NAB2: variants seen among roughly 807,000 people sequenced by gnomAD.
The protein encoded by NAB2 is NGFI-A-binding protein 2.
NAB2 carries 9 observed loss-of-function variants against 44.2 expected under a neutral mutation model. The observed-to-expected ratio is 0.20, with a 90% CI of 0.12 to 0.36. The LOEUF (loss-of-function observed/expected upper bound fraction) is 0.36. Among genes scored for constraint, NAB2 ranks in the 10% least tolerant of loss-of-function variants. The pLI is 1.00. For synonymous variants in NAB2, 342 were observed against 291.0 expected (o/e 1.18, Z -1.78); for missense variants, 514 against 709.0 (o/e 0.73, Z 3.12).
rs995281414 is a variant in NAB2, at chr12:57,089,241, GA to G, written c.-29del. 2 of 1,556,594 alleles carry G rather than the reference GA, an allele frequency of 1.3e-6. No individual in the cohort carries two copies. The highest frequency in any genetic ancestry group is 1.7e-6 in the Non-Finnish European group (2 of 1,150,374). On this transcript the variant is annotated 5_prime_UTR_variant, in exon 1 of 7. Transcript: ENST00000300131. ...GCAGGCGCCGAGCGCCGGGCACCGA[GA>G]AGGGCAGCCCGGGTGATCTCCGGCC...
intron 5 of NAB2, 79 bp from the exon 6 acceptor site, chr12:57,093,328 C>T (rs902854904): frequency 2.8e-5 from 41 of 1,470,318 alleles, no homozygotes; most frequent in Non-Finnish European, 3.6e-5. Context: ...GGCAGAAGGG[C>T]CTGTGGGCTG....
At chr12:57,092,695 C>T (rs553259825) in intron 3 of NAB2, 114 bp downstream of exon 3, 16 of 1,430,058 alleles carry the variant, frequency 1.1e-5, no homozygotes, top group Admixed American at 4.3e-5. Flanking sequence ...CCTGGATGTC[C>T]TGCTTTTGGC....
chr12:57,093,474 G>A lies in NAB2; in HGVS notation c.1344G>A (p.Gly448=). ...ADLPLALPAH[G]LWSRHILQQT... is the part of the protein sequence containing the mutation. ...TGCCTCTGGCATTGCCAGCCCATGGGCTATGGAGCCGACACATCCTGCAGC... is the reference window on the plus strand; with the variant it reads ...TGCCTCTGGCATTGCCAGCCCATGGACTATGGAGCCGACACATCCTGCAGC... Residue 448 remains glycine (G), a synonymous_variant, in exon 6 of 7, where the codon GGG becomes GGA. Coordinates refer to ENST00000300131, the MANE Select transcript of NAB2 (RefSeq NM_005967.4). The A allele has an allele frequency of 6.3e-7, 1 of 1,599,120 alleles. No homozygotes were observed. The highest frequency in any genetic ancestry group is 1.1e-5 in the South Asian group (1 of 88,544).
Position 57,095,449 on chromosome 12 carries a change from G to A in NAB2, c.*728G>A, listed in dbSNP as rs1424399178. The A allele has an allele frequency of 1.3e-5, 2 of 152,558 alleles. No homozygotes were observed. The highest frequency in any genetic ancestry group is 2.4e-5 in the African/African-American group (1 of 41,400). The allele number at this position is 152,558 out of a possible 1,614,324, so 9.5% of individuals were successfully genotyped here. On this transcript the variant is annotated 3_prime_UTR_variant, in exon 7 of 7. Coordinates refer to ENST00000300131, the MANE Select transcript of NAB2 (RefSeq NM_005967.4). The stretch of plus-strand genomic sequence containing the variant: ...AGTAGATTATTTATTTTGTTATTTT[G>A]GAATAAAATTTATTTTATGGCTTAG...
rs1369926190 is a variant in NAB2, at chr12:57,089,288, C to T, written c.17C>T (p.Ser6Phe). The change falls in exon 1 of 7, where the codon TCC (serine) becomes TTC (phenylalanine). Residue 6 changes from serine to phenylalanine, a missense_variant. By Grantham distance (155) the Ser-to-Phe change is radical. Transcript: ENST00000300131. ...CGGCCGTCCATGCACAGAGCGCCTT[C>T]CCCCACAGCCGAGCAGCCGCCGGGC... MHRAPSPTAEQPPGGG... is the reference protein window; with the variant it reads MHRAPFPTAEQPPGGG... The T allele has an allele frequency of 6.3e-7, 1 of 1,577,046 alleles. No homozygotes were observed. Among genetic ancestry groups the T allele is most frequent in the Non-Finnish European group, 8.6e-7 (1 of 1,161,836 alleles).
intron 6 of NAB2, among the ~76,000 whole-genome samples, 177 bp from the exon 7 acceptor site, chr12:57,094,435 G>T (rs2033291811): frequency 6.6e-6 from 1 of 152,006 alleles, no homozygotes; most frequent in African/African-American, 2.4e-5. Context: ...AGGGGAGGGG[G>T]CTCACACACA....
chr12:57,094,115 G>A (rs552383569), intron 6 of NAB2, among the ~76,000 whole-genome samples: 72 of 151,724 alleles, frequency 4.7e-4, no homozygotes, highest in Non-Finnish European at 8.8e-4. Context: ...TAAACTGTGC[G>A]TGGGTGGGAA....
Position 57,094,771 on chromosome 12 carries a change from C to T in NAB2, c.*50C>T. On this transcript the variant is annotated 3_prime_UTR_variant, in exon 7 of 7. Coordinates refer to ENST00000300131, the MANE Select transcript of NAB2 (RefSeq NM_005967.4). ...CAGGACCTCAGACTTCTGGCTCACA[C>T]AGACCCCCACGCTCTCCATCCCCGG... 7.0e-7 allele frequency: 1 copy of T among 1,428,522 alleles called. No homozygotes were observed. The highest frequency in any genetic ancestry group is 9.5e-7 in the Non-Finnish European group (1 of 1,047,516). The allele number at this position is 1,428,522 out of a possible 1,614,324, so 88.5% of individuals were successfully genotyped here. A position where few individuals can be genotyped will look rare whatever the true frequency, so the allele number is the denominator to read the frequency against.
chr12:57,094,443 A>G (rs2033292273), intron 6 of NAB2, among the ~76,000 whole-genome samples, 169 bp from the exon 7 acceptor site: 2 of 152,264 alleles, frequency 1.3e-5, no homozygotes, highest in South Asian at 4.1e-4. Context: ...GGGCTCACAC[A>G]CATGGGAATG....
Position 57,091,511 on chromosome 12 carries a change from G to C in NAB2, c.470G>C (p.Ser157Thr). 2 of 1,613,906 alleles carry C rather than the reference G, an allele frequency of 1.2e-6. No individual in the cohort carries two copies. The highest frequency in any genetic ancestry group is 1.7e-6 in the Non-Finnish European group (2 of 1,179,958). The part of the protein sequence containing the change: ...SPGEKAGSAR[S>T]FSPKSPLELG... Reference sequence around the variant, plus strand: ...GGGGAAAAGGCAGGCAGTGCCCGCAGTTTTAGCCCCAAGAGCCCCCTTGAA... The same window carrying C: ...GGGGAAAAGGCAGGCAGTGCCCGCACTTTTAGCCCCAAGAGCCCCCTTGAA... Residue 157 changes from serine to threonine, a missense_variant, in exon 2 of 7, where the codon AGT becomes ACT. Coordinates refer to ENST00000300131, the MANE Select transcript of NAB2 (RefSeq NM_005967.4). This position sits in a 1 kb window ranked among gnomAD's most constrained non-coding sequence, Gnocchi z 7.3.
In NAB2 at chr12:57,095,343, ACTCAGGGTCTC is replaced by A. The variant is rs1170195972; in HGVS notation, c.*626_*636del. ...GGCCCCCTCGGGAGGCCTGGGTTGGACTCAGGGTCTCCTCCAGCTGGGGGCTGGACCGCAGC... is the reference window on the plus strand; with the variant it reads ...GGCCCCCTCGGGAGGCCTGGGTTGGACTCCAGCTGGGGGCTGGACCGCAGC... On this transcript the variant is annotated 3_prime_UTR_variant, in exon 7 of 7. Transcript: ENST00000300131. The A allele has an allele frequency of 6.5e-6, 1 of 152,928 alleles. No homozygotes were observed. The highest frequency in any genetic ancestry group is 2.4e-5 in the African/African-American group (1 of 41,416). 9.5% of individuals were successfully genotyped at this position (152,928 alleles called of 1,614,324 possible). A position where few individuals can be genotyped will look rare whatever the true frequency, so the allele number is the denominator to read the frequency against.
Position 57,089,200 on chromosome 12 carries a change from A to G in NAB2, c.-72A>G. On this transcript the variant is annotated 5_prime_UTR_variant, in exon 1 of 7. Transcript: ENST00000300131. Reference sequence around the variant, plus strand: ...GGTGGACACGGCATCGTGCGCGGGGAAGAGGGCAGCACGCAGCAGGCGCCG... The same window carrying G: ...GGTGGACACGGCATCGTGCGCGGGGGAGAGGGCAGCACGCAGCAGGCGCCG... 1 of 1,452,616 alleles carries G rather than the reference A, an allele frequency of 6.9e-7. No individual in the cohort carries two copies. The highest frequency in any genetic ancestry group is 9.4e-7 in the Non-Finnish European group (1 of 1,063,998). 90.0% of individuals were successfully genotyped at this position (1,452,616 alleles called of 1,614,324 possible).
At chr12:57,092,799 C>T (rs2033219855) in intron 3 of NAB2, 118 bp from the exon 4 acceptor site, 3 of 1,427,410 alleles carry the variant, frequency 2.1e-6, no homozygotes, top group South Asian at 2.4e-5. Flanking sequence ...GAGACTCTTT[C>T]TCGGCCAGCT....
At position 57,094,654 on chromosome 12, in the gene NAB2, C is replaced by T. The variant is rs1392167899; in HGVS notation, c.1511C>T (p.Pro504Leu). ...GLLDRCPAPG[P>L]HPALVEGRRS... ...CTGGACAGATGTCCTGCCCCAGGAC[C>T]CCATCCCGCGCTGGTGGAGGGTCGC... Residue 504 changes from proline (P) to leucine (L), a missense_variant, in exon 7 of 7, where the codon CCC (proline) becomes CTC (leucine). This residue lies in a region of NAB2 where 194 missense variants were observed against 223.9 expected (regional missense o/e 0.87). Coordinates refer to ENST00000300131, the MANE Select transcript of NAB2 (RefSeq NM_005967.4). The T allele has an allele frequency of 1.3e-6, 2 of 1,555,706 alleles. No homozygotes were observed. The highest frequency in any genetic ancestry group is 1.7e-6 in the Non-Finnish European group (2 of 1,149,252).
At chr12:57,089,456 G>C in intron 1 of NAB2, 102 bp downstream of exon 1, 1 of 932,324 alleles carries the variant, frequency 1.1e-6, no homozygotes, top group Non-Finnish European at 1.6e-6. Context: ...TGGGGAAGCA[G>C]GACGGGGGTG....
chr12:57,092,405 G>A, intron 2 of NAB2, 43 bp from the exon 3 acceptor site: 1 of 1,606,874 alleles, frequency 6.2e-7, no homozygotes, highest in Non-Finnish European at 8.5e-7. Context: ...GAGGCAGCGG[G>A]GAAGTTCGAA....
chr12:57,094,651 G>A lies in NAB2; in HGVS notation c.1508G>A (p.Gly503Glu), dbSNP rs1337642798. 4 of 1,555,470 alleles carry A rather than the reference G, an allele frequency of 2.6e-6. No individual in the cohort carries two copies. Among genetic ancestry groups the A allele is most frequent in the South Asian group, 1.2e-5 (1 of 84,310 alleles). The part of the protein sequence containing the change: ...EGLLDRCPAP[G>E]PHPALVEGRR... ...CTGCTGGACAGATGTCCTGCCCCAGGACCCCATCCCGCGCTGGTGGAGGGT... is the reference window on the plus strand; with the variant it reads ...CTGCTGGACAGATGTCCTGCCCCAGAACCCCATCCCGCGCTGGTGGAGGGT... The change falls in exon 7 of 7, where the codon GGA (glycine) becomes GAA (glutamate). Residue 503 changes from glycine to glutamate, a missense_variant. Coordinates refer to ENST00000300131, the MANE Select transcript of NAB2 (RefSeq NM_005967.4).
At chr12:57,092,279 G>C (rs1265717390) in intron 2 of NAB2, 169 bp from the exon 3 acceptor site, 4 of 1,122,296 alleles carry the variant, frequency 3.6e-6, no homozygotes, top group Non-Finnish European at 5.0e-6. Flanking sequence ...GAAGCTGTGG[G>C]TGCTGACCTC....
Position 57,092,765 on chromosome 12 carries a change from C to T in NAB2, c.1092-152C>T, listed in dbSNP as rs1052455935. ...CATCCATGTCGGGTCCCCCCAACCC[C>T]CTACAACAATAGTGCTTGAACTAGA... is the stretch of plus-strand genomic sequence containing the variant. On this transcript the variant is annotated intron_variant, in intron 3 of 6. Transcript: ENST00000300131. 5 of 1,307,734 alleles carry T rather than the reference C, an allele frequency of 3.8e-6. No individual in the cohort carries two copies. In the Admixed American group the frequency reaches 7.7e-5, roughly 20 times the overall value. The allele number at this position is 1,307,734 out of a possible 1,614,324, so 81.0% of individuals were successfully genotyped here. A position where few individuals can be genotyped will look rare whatever the true frequency, so the allele number is the denominator to read the frequency against.
Sources: gnomAD v4.1 joint callset for allele counts (sites outside exome capture counted in the v4.1 genomes callset) on GRCh38, gnomAD v4.1.1 for gene constraint, gnomAD v4.1.1 regional missense constraint, Gnocchi (gnomAD v3.1) non-coding constraint, MANE v1.5 for transcripts, NCBI Gene and HGNC (gene_info 2026-07-23, HGNC 2026-07-21) for gene names.